Variants in TMEM9 observed in about 807,000 individuals in gnomAD.
TMEM9 encodes the protein proton-transporting V-type ATPase complex assembly regulator TMEM9.
Under a neutral mutation model 22.8 loss-of-function variants are expected in TMEM9, and 13 were observed. The ratio of observed to expected loss-of-function variants is 0.57; its 90% CI spans 0.37 to 0.91. The LOEUF is 0.91. TMEM9 is among the 40% of genes least tolerant of loss of function. The pLI is 0.01. For missense variants in TMEM9, 182 were observed against 238.1 expected (o/e 0.76, Z 1.55); for synonymous variants, 88 against 93.0 (o/e 0.95, Z 0.31).
intron 3 of TMEM9, chr1:201,144,823 T>C (rs2102248835): frequency 6.6e-6 from 1 of 152,280 alleles, no homozygotes; most frequent in East Asian, 1.9e-4. Context: ...CTGGGCTAGA[T>C]CACCTGTGAT....
chr1:201,139,682 C>T (rs1274491639), intron 4 of TMEM9, among the ~76,000 whole-genome samples: 1 of 152,202 alleles, frequency 6.6e-6, no homozygotes, highest in Non-Finnish European at 1.5e-5. Context: ...TCAGGCTTCC[C>T]TCCAGCAATC....
At chr1:201,144,107 T>C in intron 3 of TMEM9, 156 bp from the exon 4 acceptor site, 1 of 743,180 alleles carries the variant, frequency 1.3e-6, no homozygotes, top group Non-Finnish European at 2.2e-6. Flanking sequence ...AGGGAAAGCA[T>C]GCCCAGAAAG....
chr1:201,158,564 A>G (rs1219696016), upstream of TMEM9, among the ~76,000 whole-genome samples: 1 of 152,166 alleles, frequency 6.6e-6, no homozygotes, highest in Non-Finnish European at 1.5e-5. Context: ...CGAATGGGAA[A>G]GGAAGGCAGG....
At chr1:201,137,753 G>A (rs1664132464) in intron 4 of TMEM9, among the ~76,000 whole-genome samples, 1 of 152,212 alleles carries the variant, frequency 6.6e-6, no homozygotes, top group Non-Finnish European at 1.5e-5. Context: ...CTCAAGAAAT[G>A]TTTGGTTTCT....
chr1:201,171,228 A>G (rs1263229581), intron 1 of TMEM9, among the ~76,000 whole-genome samples: 1 of 152,032 alleles, frequency 6.6e-6, no homozygotes, highest in Non-Finnish European at 1.5e-5. Flanking sequence ...CCTGGCTGGG[A>G]GGACTTCCCA....
At chr1:201,160,712 A>G (rs1019002546) in intron 1 of TMEM9, among the ~76,000 whole-genome samples, 4 of 152,150 alleles carry the variant, frequency 2.6e-5, no homozygotes, top group South Asian at 4.1e-4. Context: ...TGAGGTGGGC[A>G]GATCACGAAG....
At chr1:201,162,924 G>C (rs1217542774) in intron 1 of TMEM9, among the ~76,000 whole-genome samples, 2 of 152,136 alleles carry the variant, frequency 1.3e-5, no homozygotes, top group East Asian at 1.9e-4. Context: ...TTTCACTAAA[G>C]AGGATATACA....
At chr1:201,145,465 G>C (rs1357234255) in intron 3 of TMEM9, 1 of 152,376 alleles carries the variant, frequency 6.6e-6, no homozygotes, top group Non-Finnish European at 1.5e-5. Flanking sequence ...CCTGAGTGGT[G>C]AGAACACAGA....
chr1:201,148,157 G>T (rs957532516), intron 2 of TMEM9, among the ~76,000 whole-genome samples: 1 of 152,216 alleles, frequency 6.6e-6, no homozygotes, highest in Non-Finnish European at 1.5e-5. Context: ...GTGGGATAAA[G>T]ATCATAGGTT....
chr1:201,156,819 C>T (rs576721396), upstream of TMEM9, among the ~76,000 whole-genome samples: 1 of 152,346 alleles, frequency 6.6e-6, no homozygotes, highest in African/African-American at 2.4e-5. Flanking sequence ...GTGAGCCAAA[C>T]TCCAGGGCTC....
intron 1 of TMEM9, among the ~76,000 whole-genome samples, chr1:201,165,322 A>G (rs1327184817): frequency 1.3e-5 from 2 of 151,632 alleles, no homozygotes; most frequent in African/African-American, 4.8e-5. Context: ...TAGGTTTGCT[A>G]CCTGGAGCCA....
chr1:201,140,776 G>A (rs150594787), intron 4 of TMEM9, among the ~76,000 whole-genome samples: 5 of 152,290 alleles, frequency 3.3e-5, no homozygotes, highest in Admixed American at 6.5e-5. Context: ...AGGCCTAGGC[G>A]AACTTTCAAG....
At chr1:201,157,343 A>T (rs1359603723), upstream of TMEM9, among the ~76,000 whole-genome samples, 6 of 152,170 alleles carry the variant, frequency 3.9e-5, no homozygotes, top group African/African-American at 1.4e-4. Flanking sequence ...TGTGCTAACA[A>T]AAAAGGGAAG....
intron 3 of TMEM9, chr1:201,146,479 G>A: frequency 1.8e-6 from 1 of 567,220 alleles, no homozygotes; most frequent in Non-Finnish European, 3.2e-6. Flanking sequence ...AGAATGCAGG[G>A]AAAAAGGAGT....
chr1:201,164,845 G>C (rs1447669576), intron 1 of TMEM9, among the ~76,000 whole-genome samples: 1 of 151,942 alleles, frequency 6.6e-6, no homozygotes, highest in Non-Finnish European at 1.5e-5. Context: ...TAGCGTCCAT[G>C]TGGCCAGTCT....
chr1:201,142,029 C>T (rs974283694), intron 4 of TMEM9, among the ~76,000 whole-genome samples: 16 of 152,330 alleles, frequency 1.1e-4, no homozygotes, highest in Non-Finnish European at 1.5e-4. Flanking sequence ...ATGCTCCTCC[C>T]CTATCAGAGC....
At chr1:201,143,615 T>C (rs1226886445) in intron 4 of TMEM9, among the ~76,000 whole-genome samples, 1 of 152,236 alleles carries the variant, frequency 6.6e-6, no homozygotes, top group Admixed American at 6.5e-5. Context: ...ACATGGAGAC[T>C]GCTTGATGCC....
chr1:201,170,071 A>G (rs984185990), intron 1 of TMEM9, among the ~76,000 whole-genome samples: 1 of 152,228 alleles, frequency 6.6e-6, no homozygotes, highest in African/African-American at 2.4e-5. Context: ...CATATAATCT[A>G]TGAAACGACT....
Position 201,171,247 on chromosome 1 carries a change from G to A in TMEM9, c.-37+243C>T, listed in dbSNP as rs1377103581. ...GCTGGGAGGACTTCCCAGGCCCCCT[G>A]CCGGACGGCGGGCTAAAAGCGTGAG... On this transcript the variant is annotated intron_variant, in intron 1 of 5. Transcript: ENST00000367333. Among the ~76,000 whole-genome samples the A allele has an allele frequency of 5.9e-5, 9 of 152,268 alleles. No individual in the cohort carries two copies. In the South Asian group the frequency reaches 8.3e-4, roughly 14 times the overall value.
Sources: gnomAD v4.1 joint callset for allele counts (sites outside exome capture counted in the v4.1 genomes callset) on GRCh38, gnomAD v4.1.1 for gene constraint, MANE v1.5 for transcripts, NCBI Gene and HGNC (gene_info 2026-07-23, HGNC 2026-07-21) for gene names.